The following VWCE variants were observed in gnomAD, a reference collection of about 807,000 sequenced individuals.
The protein encoded by VWCE is von Willebrand factor C and EGF domain-containing protein.
Under a neutral mutation model 102.9 loss-of-function variants are expected in VWCE, and 68 were observed. The ratio of observed to expected loss-of-function variants is 0.66; its 90% CI spans 0.54 to 0.81. VWCE has a LOEUF of 0.81. Ranked by LOEUF, VWCE falls within the 30% of genes least tolerant of loss-of-function variation. VWCE has a pLI of 0.00. For synonymous variants in VWCE, 497 were observed against 515.4 expected (o/e 0.96, Z 0.48); for missense variants, 1,137 against 1,263.6 (o/e 0.90, Z 1.52).
intron 5 of VWCE, among the ~76,000 whole-genome samples, chr11:61,285,449 T>A (rs1273097413): frequency 6.6e-6 from 1 of 152,138 alleles, no homozygotes; most frequent in African/African-American, 2.4e-5. Flanking sequence ...CCCTGGGTTT[T>A]CCCAACACTT....
Position 61,282,815 on chromosome 11 carries a change from A to G in VWCE, c.632T>C (p.Leu211Pro). 2 of 1,614,198 alleles carry G rather than the reference A, an allele frequency of 1.2e-6. No homozygotes were observed. Among genetic ancestry groups the G allele is most frequent in the Non-Finnish European group, 1.7e-6 (2 of 1,180,010 alleles). Residue 211 changes from leucine (L) to proline (P), a missense_variant, in exon 6 of 20, where the codon CTT (leucine) becomes CCT (proline). Physicochemically the swap from Leu to Pro is moderately conservative, Grantham distance 98. Around this residue, in one of 5 missense-constraint regions of VWCE, gnomAD observed 575 missense variants for 625.9 expected, o/e 0.92. Transcript: ENST00000335613. ...YKCSCRTGFHLHGNRHSCVDV... is the reference protein window; with the variant it reads ...YKCSCRTGFHPHGNRHSCVDV... Reference sequence around the variant, plus strand: ...TACACAGGAGTGCCGGTTGCCATGAAGGTGGAAGCCAGTTCGACAGGAACA... The same window carrying G: ...TACACAGGAGTGCCGGTTGCCATGAGGGTGGAAGCCAGTTCGACAGGAACA...
intron 16 of VWCE, among the ~76,000 whole-genome samples, 199 bp downstream of exon 16, chr11:61,267,263 C>T (rs1230145374): frequency 6.6e-6 from 1 of 152,144 alleles, no homozygotes; most frequent in Non-Finnish European, 1.5e-5. Context: ...AAGGCTCCAT[C>T]TCAAAAACAA....
In VWCE at chr11:61,295,050, C is replaced by T. The variant is rs1434643140; in HGVS notation, c.-13G>A. ...GTCCGGCCCACATGACCGGCGGCGGCGGGTCCCCCGGGCTGGGCTCGGCTC... is the reference window on the plus strand; with the variant it reads ...GTCCGGCCCACATGACCGGCGGCGGTGGGTCCCCCGGGCTGGGCTCGGCTC... On this transcript the variant is annotated 5_prime_UTR_variant, in exon 1 of 20. Coordinates refer to ENST00000335613, the MANE Select transcript of VWCE (RefSeq NM_152718.2). The surrounding 1 kb of genome is among the most constrained non-coding windows in gnomAD (Gnocchi z 4.6). 3.0e-6 allele frequency: 4 copies of T among 1,354,910 alleles called. No individual in the cohort carries two copies. Among genetic ancestry groups the T allele is most frequent in the Non-Finnish European group, 3.8e-6 (4 of 1,050,474 alleles). 83.9% of individuals were successfully genotyped at this position (1,354,910 alleles called of 1,614,324 possible).
chr11:61,277,849 T>G (rs1854974025), intron 10 of VWCE, among the ~76,000 whole-genome samples: 2 of 152,126 alleles, frequency 1.3e-5, no homozygotes, highest in African/African-American at 4.8e-5. Flanking sequence ...CATTTTCTTT[T>G]TTTTTTTAAG....
At position 61,258,936 on chromosome 11, in the gene VWCE, A is replaced by C; in HGVS notation, c.2607T>G (p.Pro869=). 6.4e-7 allele frequency: 1 copy of C among 1,557,856 alleles called. No individual in the cohort carries two copies. The highest frequency in any genetic ancestry group is 1.4e-5 in the African/African-American group (1 of 73,028). ...CTGAGAACGAGCGCTCTGGAGTCAC[A>C]GGAGGTGGCTGAGGAGCCCCTGGGG... ...LASPGAPQPP[P]VTPERSFSAS... is the part of the protein sequence containing the mutation. Residue 869 remains proline (P), a synonymous_variant, in exon 20 of 20, where the codon CCT becomes CCG. Coordinates refer to ENST00000335613, the MANE Select transcript of VWCE (RefSeq NM_152718.2).
At chr11:61,284,951 CA>C (rs561924825) in intron 5 of VWCE, among the ~76,000 whole-genome samples, 267 of 137,692 alleles carry the variant, frequency 1.9e-3, no homozygotes, top group East Asian at 1.7e-3. Flanking sequence ...TCCTCCATGT[CA>C]AAAAAAAAAA....
chr11:61,273,390 G>A (rs562119263), intron 12 of VWCE, 74 bp from the exon 13 acceptor site: 92 of 1,391,602 alleles, frequency 6.6e-5, no homozygotes, highest in Non-Finnish European at 8.9e-5. Context: ...AGAGGAGGCC[G>A]CAGGCTGCCT....
chr11:61,259,348 C>A, intron 19 of VWCE, 36 bp from the exon 20 acceptor site: 1 of 1,537,624 alleles, frequency 6.5e-7, no homozygotes. Context: ...TGCACAATGG[C>A]TCTCTCCAGT....
intron 4 of VWCE, among the ~76,000 whole-genome samples, chr11:61,289,774 G>A (rs544237071): frequency 6.6e-6 from 1 of 152,206 alleles, no homozygotes; most frequent in South Asian, 2.1e-4. Context: ...AAATATCTCC[G>A]GGTGGGGACT....
intron 13 of VWCE, among the ~76,000 whole-genome samples, chr11:61,272,752 TACTC>T (rs1322084801): frequency 2.0e-5 from 3 of 150,250 alleles, no homozygotes; most frequent in Non-Finnish European, 3.0e-5. Flanking sequence ...CACACAAACT[TACTC>T]TCACGCAGAC....
In VWCE at chr11:61,267,514, T is replaced by C. The variant is rs1302581654; in HGVS notation, c.1913A>G (p.Asn638Ser). ...GCTYTGRIFY[N>S]NETFPSVLDP... ...CAGCACAGACGGGAAGGTCTCGTTG[T>C]TATAGAAGATTCTGCCTGTGTAGGT... Residue 638 changes from asparagine to serine, a missense_variant, in exon 16 of 20, where the codon AAC becomes AGC. Asn to Ser is a conservative substitution (Grantham distance 46, BLOSUM62 1). Around this residue, in one of 5 missense-constraint regions of VWCE, gnomAD observed 212 missense variants for 235.1 expected, o/e 0.90. Transcript: ENST00000335613. The C allele has an allele frequency of 1.2e-6, 2 of 1,614,084 alleles. No individual in the cohort carries two copies. The highest frequency in any genetic ancestry group is 2.2e-5 in the South Asian group (2 of 91,076).
At chr11:61,267,568 G>A in intron 15 of VWCE, 24 bp from the exon 16 acceptor site, 2 of 1,612,564 alleles carry the variant, frequency 1.2e-6, no homozygotes, top group Non-Finnish European at 1.7e-6. Context: ...CATGCGCTGA[G>A]CACCAGCTGG....
At chr11:61,278,347 A>C in intron 10 of VWCE, 47 bp downstream of exon 10, 2 of 1,602,712 alleles carry the variant, frequency 1.2e-6, no homozygotes, top group Non-Finnish European at 1.7e-6. Context: ...AAACCCCCAA[A>C]GGTTAAGAAA....
Position 61,267,492 on chromosome 11 carries a change from C to T in VWCE, c.1935G>A (p.Val645=), listed in dbSNP as rs1434730651. Residue 645 remains valine (V), a synonymous_variant, in exon 16 of 20, where the codon GTG becomes GTA. Coordinates refer to ENST00000335613, the MANE Select transcript of VWCE (RefSeq NM_152718.2). The part of the protein sequence containing the change: ...IFYNNETFPS[V]LDPCLSCICL... ...AGATGCAGCTCAGACATGGGTCCAG[C>T]ACAGACGGGAAGGTCTCGTTGTTAT... is the stretch of plus-strand genomic sequence containing the variant. 21 of 1,614,162 alleles carry T rather than the reference C, an allele frequency of 1.3e-5. No homozygotes were observed. The highest frequency in any genetic ancestry group is 1.8e-5 in the Non-Finnish European group (21 of 1,180,018).
intron 16 of VWCE, among the ~76,000 whole-genome samples, chr11:61,266,932 G>A (rs766995997): frequency 2.1e-4 from 32 of 152,124 alleles, no homozygotes; most frequent in Non-Finnish European, 4.0e-4. Context: ...GGGGTAACCC[G>A]GAAGCAGAGG....
chr11:61,293,897 C>G (rs1038637731), intron 1 of VWCE, among the ~76,000 whole-genome samples: 6 of 152,180 alleles, frequency 3.9e-5, no homozygotes, highest in Admixed American at 1.3e-4. Context: ...AGGGGGGGCC[C>G]TCCTGCTGGC....
chr11:61,291,451 G>A (rs1356375710), intron 2 of VWCE, 31 bp downstream of exon 2: 2 of 1,561,068 alleles, frequency 1.3e-6, no homozygotes, highest in African/African-American at 1.4e-5. Context: ...TGCTGGAGGA[G>A]AAGACTTGGG....
chr11:61,276,776 A>G, intron 10 of VWCE, 96 bp from the exon 11 acceptor site: 5 of 894,528 alleles, frequency 5.6e-6, no homozygotes, highest in Non-Finnish European at 7.7e-6. Context: ...AAAGCTGCCT[A>G]AAGGAGGCCA....
chr11:61,289,423 TGTTTTTAGTAGAGACAG>T (rs1855430187), intron 4 of VWCE, among the ~76,000 whole-genome samples: 1 of 151,774 alleles, frequency 6.6e-6, no homozygotes, highest in Non-Finnish European at 1.5e-5. Context: ...CTAGTTTTTG[TGTTTTTAGTAGAGACAG>T]GGTTTCACCA....
Sources: allele counts gnomAD v4.1 joint callset (sites outside exome capture counted in the v4.1 genomes callset), GRCh38; gene constraint gnomAD v4.1.1; regional missense constraint gnomAD v4.1.1; non-coding constraint Gnocchi (gnomAD v3.1); transcripts MANE v1.5; gene names NCBI Gene and HGNC (gene_info 2026-07-23, HGNC 2026-07-21).